Variants in DNAH9 observed in about 807,000 individuals in gnomAD.
DNAH9 encodes dynein axonemal heavy chain 9.
A neutral mutation model predicts 471.6 loss-of-function variants in DNAH9; 345 were observed. The observed-to-expected ratio is 0.73, with a 90% CI of 0.67 to 0.80. DNAH9 has a LOEUF of 0.80. DNAH9 is among the 30% of genes least tolerant of loss of function. The pLI is 0.00. For missense variants in DNAH9, 5,407 were observed against 5,609.2 expected, an observed-to-expected ratio of 0.96 and a Z score of 1.15; for synonymous variants, 2,093 against 2,123.6, an observed-to-expected ratio of 0.99 and a Z score of 0.40.
chr17:11,837,166 G>T (rs1970877410), intron 49 of DNAH9, among the ~76,000 whole-genome samples: 1 of 152,088 alleles, frequency 6.6e-6, no homozygotes, highest in Non-Finnish European at 1.5e-5. Flanking sequence ...AAATACTGTT[G>T]GTTAATTTGA....
At chr17:11,619,947 C>G in intron 6 of DNAH9, 166 bp downstream of exon 6, 1 of 598,224 alleles carries the variant, frequency 1.7e-6, no homozygotes, top group Non-Finnish European at 3.0e-6. Context: ...GTGGCTCATG[C>G]CTGTAATCCC....
chr17:11,928,893 A>G (rs1165775925), intron 62 of DNAH9, among the ~76,000 whole-genome samples: 3 of 152,174 alleles, frequency 2.0e-5, no homozygotes, highest in Non-Finnish European at 4.4e-5. Flanking sequence ...TAGATTCTGC[A>G]TTTCTAACTA....
intron 35 of DNAH9, 128 bp downstream of exon 35, chr17:11,757,820 G>A: frequency 1.0e-6 from 1 of 1,002,384 alleles, no homozygotes; most frequent in Non-Finnish European, 1.4e-6. Context: ...TCTCCTCCAG[G>A]CATGGCAGAT....
At chr17:11,682,365 C>T (rs1402092119) in intron 19 of DNAH9, among the ~76,000 whole-genome samples, 1 of 152,132 alleles carries the variant, frequency 6.6e-6, no homozygotes, top group African/African-American at 2.4e-5. Flanking sequence ...AATCCTCTCA[C>T]CTCAGCCTCC....
intron 27 of DNAH9, among the ~76,000 whole-genome samples, chr17:11,724,133 C>T (rs1048087367): frequency 2.0e-5 from 3 of 151,846 alleles, no homozygotes; most frequent in Non-Finnish European, 4.4e-5. Context: ...GTATAATGAT[C>T]GAATCAGGGT....
At chr17:11,951,954 A>G (rs536189991) in intron 67 of DNAH9, among the ~76,000 whole-genome samples, 1 of 151,998 alleles carries the variant, frequency 6.6e-6, no homozygotes, top group African/African-American at 2.4e-5. Context: ...TTAAAAATTC[A>G]GTTCCTTTTT....
intron 6 of DNAH9, among the ~76,000 whole-genome samples, chr17:11,628,388 C>T (rs547414556): frequency 3.0e-4 from 46 of 152,298 alleles, no homozygotes; most frequent in Admixed American, 8.5e-4. Flanking sequence ...TTAATAACAG[C>T]GATGATACTG....
At chr17:11,770,232 A>G (rs34409110) in intron 38 of DNAH9, among the ~76,000 whole-genome samples, 31,078 of 152,186 alleles carry the variant, frequency 0.2, 4,477 homozygotes, top group African/African-American at 0.41. Flanking sequence ...AGGCCAGCAG[A>G]CTTGCAAAGC....
chr17:11,960,498 A>C (rs1424031359), intron 67 of DNAH9, among the ~76,000 whole-genome samples: 1 of 147,026 alleles, frequency 6.8e-6, no homozygotes, highest in East Asian at 2.1e-4. Context: ...TCATGCCTGT[A>C]ATCCCATCAA....
chr17:11,744,705 T>C, intron 30 of DNAH9, 92 bp from the exon 31 acceptor site: 4 of 1,128,518 alleles, frequency 3.5e-6, no homozygotes, highest in Non-Finnish European at 3.8e-6. Flanking sequence ...AGAGGTGACC[T>C]AATGCTCATA....
Position 11,669,172 on chromosome 17 carries a change from A to T in DNAH9, c.2840A>T (p.Asp947Val). 1 of 1,613,894 alleles carries T rather than the reference A, an allele frequency of 6.2e-7. No homozygotes were observed. The highest frequency in any genetic ancestry group is 8.5e-7 in the Non-Finnish European group (1 of 1,179,868). ...TCTGGAGTGAAGGGGGGTTTCTGTGACATTGTTGAGGGTCTCATCACCAGC... is the reference window on the plus strand; with the variant it reads ...TCTGGAGTGAAGGGGGGTTTCTGTGTCATTGTTGAGGGTCTCATCACCAGC... Reference protein sequence around the residue: ...LESGVKGGFCDIVEGLITSIF... With the variant: ...LESGVKGGFCVIVEGLITSIF... Residue 947 changes from aspartate to valine, a missense_variant, in exon 16 of 69, where the codon GAC becomes GTC. Transcript: ENST00000262442.
chr17:11,669,241 A>G lies in DNAH9; in HGVS notation c.2909A>G (p.Asn970Ser). 1 of 1,613,680 alleles carries G rather than the reference A, an allele frequency of 6.2e-7. No homozygotes were observed. Among genetic ancestry groups the G allele is most frequent in the African/African-American group, 1.3e-5 (1 of 75,006 alleles). Residue 970 changes from asparagine (N) to serine (S), a missense_variant, in exon 16 of 69, where the codon AAT becomes AGT. By Grantham distance (46) the Asn-to-Ser change is conservative. This residue lies in a region of DNAH9 where 4,636 missense variants were observed against 4,900.3 expected (regional missense o/e 0.95). Coordinates refer to ENST00000262442, the MANE Select transcript of DNAH9 (RefSeq NM_001372.4). ...CTGGTGCCACGGCTTTCCCCACAAA[A>G]TGGCTCTCCTCACTATCAGGTACTG... The part of the protein sequence containing the change: ...PSLVPRLSPQ[N>S]GSPHYQVDLD...
At chr17:11,874,884 C>A in intron 52 of DNAH9, 65 bp from the exon 53 acceptor site, 1 of 1,176,200 alleles carries the variant, frequency 8.5e-7, no homozygotes, top group Non-Finnish European at 1.3e-6. Context: ...TGAGTAACTG[C>A]ATTCATCCCA....
chr17:11,748,853 T>C (rs1967017326), intron 32 of DNAH9, among the ~76,000 whole-genome samples: 1 of 152,142 alleles, frequency 6.6e-6, no homozygotes, highest in Admixed American at 6.5e-5. Flanking sequence ...TCCTTCCTGA[T>C]GTTTCAATGT....
Position 11,689,606 on chromosome 17 carries a change from C to A in DNAH9, c.3784C>A (p.His1262Asn). Residue 1262 changes from histidine to asparagine, a missense_variant, in exon 20 of 69, where the codon CAC (histidine) becomes AAC (asparagine). His to Asn is a moderately conservative substitution (Grantham distance 68). This residue lies in a region of DNAH9 where 4,636 missense variants were observed against 4,900.3 expected (regional missense o/e 0.95). Transcript: ENST00000262442. ...IHPHQMLDAR[H>N]IEIQQMESTM... is the part of the protein sequence containing the mutation. ...CCCTCATCAAATGCTGGATGCCAGG[C>A]ACATCGAGATCCAGCAGATGGAATC... 13 of 1,613,836 alleles carry A rather than the reference C, an allele frequency of 8.1e-6. No homozygotes were observed. The highest frequency in any genetic ancestry group is 1.1e-5 in the Non-Finnish European group (13 of 1,179,820).
intron 27 of DNAH9, among the ~76,000 whole-genome samples, chr17:11,725,503 A>G (rs2075134914): frequency 1.3e-5 from 2 of 152,180 alleles, no homozygotes; most frequent in Admixed American, 6.5e-5. Flanking sequence ...GTTGATATGA[A>G]AGTAAAAAGA....
intron 50 of DNAH9, among the ~76,000 whole-genome samples, chr17:11,855,423 C>A (rs1462250853): frequency 6.6e-6 from 1 of 152,120 alleles, no homozygotes; most frequent in African/African-American, 2.4e-5. Context: ...TTTAACCTTC[C>A]ATCTTAGATA....
At chr17:11,733,891 G>A (rs2075306672) in intron 28 of DNAH9, among the ~76,000 whole-genome samples, 1 of 148,824 alleles carries the variant, frequency 6.7e-6, no homozygotes, top group South Asian at 2.1e-4. Flanking sequence ...TAAAACCTGG[G>A]CAAATTATCC....
chr17:11,733,070 A>C (rs1461139571), intron 28 of DNAH9, among the ~76,000 whole-genome samples: 1 of 152,268 alleles, frequency 6.6e-6, no homozygotes, highest in African/African-American at 2.4e-5. Context: ...AAATGTTTAA[A>C]AAGTGGTGAG....
Sources: allele counts gnomAD v4.1 joint callset (sites outside exome capture counted in the v4.1 genomes callset), GRCh38; gene constraint gnomAD v4.1.1; regional missense constraint gnomAD v4.1.1; transcripts MANE v1.5; gene names NCBI Gene and HGNC (gene_info 2026-07-23, HGNC 2026-07-21).